Variants in SORCS2 observed in about 807,000 individuals in gnomAD.
SORCS2 encodes the protein sortilin related VPS10 domain containing receptor 2.
A neutral mutation model predicts 141.6 loss-of-function variants in SORCS2; 100 were observed. The ratio of observed to expected loss-of-function variants is 0.71; its 90% CI spans 0.60 to 0.83. The LOEUF (loss-of-function observed/expected upper bound fraction) is 0.83. Among genes scored for constraint, SORCS2 ranks in the 40% least tolerant of loss-of-function variants. The probability of loss-of-function intolerance (pLI) is 0.00; values close to 1 mark genes in which losing one functional copy is unlikely to be tolerated. For missense variants in SORCS2, 1,646 were observed against 1,560.2 expected (o/e 1.05, Z -0.93); for synonymous variants, 789 against 676.9 (o/e 1.17, Z -2.57).
rs144580145 is a variant in SORCS2 at position 7,512,960 on chromosome 4, G to A, written c.549-18570G>A. Among the ~76,000 whole-genome samples the A allele has an allele frequency of 6.6e-5, 10 of 152,268 alleles. No individual in the cohort carries two copies. In the East Asian group the frequency reaches 1.9e-3, roughly 29 times the overall value. On this transcript the variant is annotated intron_variant, in intron 2 of 26. Coordinates refer to ENST00000507866, the MANE Select transcript of SORCS2 (RefSeq NM_020777.3). ...ACATTTTCACACCTCCCTCCAGGCC[G>A]CAGGGGAAAGGAGAGGCTGTAGGAA...
At position 7,396,333 on chromosome 4, in the gene SORCS2, G is replaced by T. The variant is rs763351049; in HGVS notation, c.526G>T (p.Val176Phe). The part of the protein sequence containing the change: ...TKYYHADMGK[V>F]LESSLWRSSD... ...GTACTACCACGCAGACATGGGGAAGGTTCTGGAAAGTTCTCTGTGGCGGTA... is the reference window on the plus strand; with the variant it reads ...GTACTACCACGCAGACATGGGGAAGTTTCTGGAAAGTTCTCTGTGGCGGTA... The change falls in exon 2 of 27, where the codon GTT becomes TTT. Residue 176 changes from valine (V) to phenylalanine (F), a missense_variant. By Grantham distance (50) the Val-to-Phe change is conservative. Transcript: ENST00000507866. 13 of 1,613,886 alleles carry T rather than the reference G, an allele frequency of 8.1e-6. No individual in the cohort carries two copies. The highest frequency in any genetic ancestry group is 1.3e-5 in the African/African-American group (1 of 74,916).
chr4:7,723,717 G>T lies in SORCS2; in HGVS notation c.2445G>T (p.Lys815Asn). 1 of 1,614,018 alleles carries T rather than the reference G, an allele frequency of 6.2e-7. No individual in the cohort carries two copies. The highest frequency in any genetic ancestry group is 8.5e-7 in the Non-Finnish European group (1 of 1,179,896). ...RQEQGDVLTT[K>N]YQVDLGDGFK... is the part of the protein sequence containing the mutation. Reference sequence around the variant, plus strand: ...TGCAGGGTGATGTCCTGACTACCAAGTACCAGGTAGACCTTGGGGACGGCT... The same window carrying T: ...TGCAGGGTGATGTCCTGACTACCAATTACCAGGTAGACCTTGGGGACGGCT... The change falls in exon 19 of 27, where the codon AAG becomes AAT. Residue 815 changes from lysine to asparagine, a missense_variant. Lys to Asn is a moderately conservative substitution (Grantham distance 94). Coordinates refer to ENST00000507866, the MANE Select transcript of SORCS2 (RefSeq NM_020777.3).
At chr4:7,727,036 C>A in intron 21 of SORCS2, 133 bp downstream of exon 21, 1 of 1,161,990 alleles carries the variant, frequency 8.6e-7, no homozygotes, top group Non-Finnish European at 1.2e-6. Flanking sequence ...GAGGGAGGGG[C>A]TGGATAAACA....
intron 4 of SORCS2, among the ~76,000 whole-genome samples, chr4:7,645,233 C>T (rs570140565): frequency 5.9e-5 from 9 of 152,238 alleles, no homozygotes; most frequent in Non-Finnish European, 8.8e-5. Context: ...CTGAGTCACT[C>T]GGATGACCCA....
intron 3 of SORCS2, among the ~76,000 whole-genome samples, chr4:7,568,504 G>A (rs1421461827): frequency 6.6e-6 from 1 of 152,168 alleles, no homozygotes; most frequent in Non-Finnish European, 1.5e-5. Context: ...GACTCAGTTA[G>A]ATGCTTCCAT....
intron 3 of SORCS2, among the ~76,000 whole-genome samples, chr4:7,543,511 CCA>C (rs777644851): frequency 0.048 from 7,042 of 147,286 alleles, 467 homozygotes; most frequent in East Asian, 0.21. Flanking sequence ...ATCCATCCAT[CCA>C]TCCATCCGTC....
chr4:7,549,128 G>T (rs1713491087), intron 3 of SORCS2, among the ~76,000 whole-genome samples: 1 of 152,180 alleles, frequency 6.6e-6, no homozygotes, highest in Non-Finnish European at 1.5e-5. Flanking sequence ...GGGAATGAGA[G>T]CAGCTTGTGT....
intron 17 of SORCS2, among the ~76,000 whole-genome samples, chr4:7,716,756 G>T (rs1452059312): frequency 6.6e-6 from 1 of 152,182 alleles, no homozygotes; most frequent in Non-Finnish European, 1.5e-5. Context: ...TCATGAAGCT[G>T]CAGTGGTTGC....
At position 7,384,289 on chromosome 4, in the gene SORCS2, G is replaced by T. The variant is rs148363920; in HGVS notation, c.481-11999G>T. ...CATGGTTCCCAGGGACAAGGCCTGTGGGGGGACTGAAAGAGATAACGTCCA... is the reference window on the plus strand; with the variant it reads ...CATGGTTCCCAGGGACAAGGCCTGTTGGGGGACTGAAAGAGATAACGTCCA... On this transcript the variant is annotated intron_variant, in intron 1 of 26. Transcript: ENST00000507866. Among the ~76,000 whole-genome samples, 37 of 152,318 alleles carry T rather than the reference G, an allele frequency of 2.4e-4. No homozygotes were observed. In the East Asian group the frequency reaches 6.4e-3, roughly 26 times the overall value.
intron 3 of SORCS2, among the ~76,000 whole-genome samples, chr4:7,620,399 C>A (rs1435045649): frequency 6.6e-6 from 1 of 152,220 alleles, no homozygotes; most frequent in African/African-American, 2.4e-5. Context: ...GCCTGCAGCC[C>A]ACGCTGTGGA....
intron 18 of SORCS2, among the ~76,000 whole-genome samples, chr4:7,722,167 A>G (rs912393051): frequency 6.6e-6 from 1 of 152,178 alleles, no homozygotes; most frequent in African/African-American, 2.4e-5. Flanking sequence ...CGCCTCACCC[A>G]GGTTGAGCGG....
chr4:7,515,701 T>A (rs1263483094), intron 2 of SORCS2, among the ~76,000 whole-genome samples: 1 of 151,908 alleles, frequency 6.6e-6, no homozygotes, highest in Non-Finnish European at 1.5e-5. Flanking sequence ...CAGTTTCTGC[T>A]GCATGCAAGG....
rs148373223 is a variant in SORCS2, at chr4:7,260,381, A to G, written c.480+67255A>G. ...TCTATCTGCCTCCAAGCCTCCTCCC[A>G]CCTCCCCCCTCCCAGGAATGTTGAG... On this transcript the variant is annotated intron_variant, in intron 1 of 26. Transcript: ENST00000507866. Among the ~76,000 whole-genome samples the G allele has an allele frequency of 1.2e-3, 184 of 147,956 alleles. 1 individual carries two copies. In the East Asian group the frequency reaches 0.03, roughly 24 times the overall value.
chr4:7,539,113 G>C (rs1299140251), intron 3 of SORCS2, among the ~76,000 whole-genome samples: 1 of 152,140 alleles, frequency 6.6e-6, no homozygotes, highest in Non-Finnish European at 1.5e-5. Flanking sequence ...ACGCGCCCCA[G>C]GTCTAAGGGC....
At chr4:7,586,357 T>C (rs73214693) in intron 3 of SORCS2, among the ~76,000 whole-genome samples, 3,241 of 152,326 alleles carry the variant, frequency 0.021, 48 homozygotes, top group African/African-American at 0.044. Context: ...AAGGTACATG[T>C]GCAGGATGTA....
At chr4:7,366,237 G>C (rs552307784) in intron 1 of SORCS2, among the ~76,000 whole-genome samples, 8 of 151,052 alleles carry the variant, frequency 5.3e-5, no homozygotes, top group Non-Finnish European at 8.9e-5. Context: ...CCTCCCTTCC[G>C]TCCTTCCCTT....
At chr4:7,319,956 G>A (rs980549302) in intron 1 of SORCS2, among the ~76,000 whole-genome samples, 3 of 152,138 alleles carry the variant, frequency 2.0e-5, no homozygotes, top group African/African-American at 7.2e-5. Flanking sequence ...CTTACAGATG[G>A]TTGAGTTGGT....
At chr4:7,650,176 G>A (rs891717112) in intron 4 of SORCS2, among the ~76,000 whole-genome samples, 1 of 152,186 alleles carries the variant, frequency 6.6e-6, no homozygotes, top group African/African-American at 2.4e-5. Flanking sequence ...GGTCTGACAG[G>A]GGGTGACCCT....
rs190880573 is a variant in SORCS2 at position 7,538,495 on chromosome 4, G to A, written c.648+6866G>A. Among the ~76,000 whole-genome samples, 887 of 152,298 alleles carry A rather than the reference G, an allele frequency of 5.8e-3. 5 individuals are homozygous for A. The highest frequency in any genetic ancestry group is 8.9e-3 in the Non-Finnish European group (605 of 68,036). On this transcript the variant is annotated intron_variant, in intron 3 of 26. Coordinates refer to ENST00000507866, the MANE Select transcript of SORCS2 (RefSeq NM_020777.3). The stretch of plus-strand genomic sequence containing the variant: ...GCCCAGAGGAGCTGGCCCAGGCATG[G>A]AATTTCTTCCAAGCATTGTGTTTTA...
Sources: allele counts gnomAD v4.1 joint callset (sites outside exome capture counted in the v4.1 genomes callset), GRCh38; gene constraint gnomAD v4.1.1; transcripts MANE v1.5; gene names NCBI Gene and HGNC (gene_info 2026-07-23, HGNC 2026-07-21).